FAM114A1: variants seen among roughly 807,000 people sequenced by gnomAD.
FAM114A1 encodes the protein family with sequence similarity 114 member A1, also known as protein NOXP20.
Under a neutral mutation model 64.3 loss-of-function variants are expected in FAM114A1, and 62 were observed. That is an observed-to-expected ratio of 0.96 (90% CI 0.79 to 1.19). The LOEUF (loss-of-function observed/expected upper bound fraction) is 1.19. FAM114A1 is among the 50% of genes most tolerant of loss of function. The pLI is 0.00. For synonymous variants in FAM114A1, 254 were observed against 251.1 expected (o/e 1.01, Z -0.11); for missense variants, 645 against 676.3 (o/e 0.95, Z 0.51).
At chr4:38,913,029 C>T (rs1309039248) in intron 7 of FAM114A1, among the ~76,000 whole-genome samples, 7 of 152,160 alleles carry the variant, frequency 4.6e-5, no homozygotes, top group Admixed American at 3.3e-4. Flanking sequence ...CAGATAACCT[C>T]GAGAACCCAG....
At chr4:38,874,873 G>C (rs1357658126) in intron 2 of FAM114A1, among the ~76,000 whole-genome samples, 1 of 152,204 alleles carries the variant, frequency 6.6e-6, no homozygotes, top group Non-Finnish European at 1.5e-5. Context: ...AAGGGGAACA[G>C]TTTCAATCTT....
intron 3 of FAM114A1, among the ~76,000 whole-genome samples, chr4:38,885,148 T>C (rs1248632632): frequency 6.6e-6 from 1 of 152,084 alleles, no homozygotes; most frequent in Non-Finnish European, 1.5e-5. Flanking sequence ...CTAATTTTTG[T>C]ATTTTAAGTA....
chr4:38,897,097 T>C (rs549691242), intron 4 of FAM114A1, among the ~76,000 whole-genome samples: 8 of 152,194 alleles, frequency 5.3e-5, no homozygotes, highest in African/African-American at 1.9e-4. Context: ...AATTGAAAAA[T>C]GGTAATCTCT....
At chr4:38,911,475 C>A (rs964157217) in intron 7 of FAM114A1, among the ~76,000 whole-genome samples, 1 of 152,248 alleles carries the variant, frequency 6.6e-6, no homozygotes, top group African/African-American at 2.4e-5. Context: ...CTGTCACACC[C>A]TCCACTGGAG....
intron 6 of FAM114A1, among the ~76,000 whole-genome samples, chr4:38,906,586 G>A (rs1042155794): frequency 6.6e-5 from 10 of 152,138 alleles, no homozygotes; most frequent in African/African-American, 1.4e-4. Context: ...CTAGGCTGGC[G>A]TGCAGTGGTG....
intron 4 of FAM114A1, among the ~76,000 whole-genome samples, chr4:38,903,637 A>G (rs1717715766): frequency 6.6e-6 from 1 of 152,176 alleles, no homozygotes; most frequent in Non-Finnish European, 1.5e-5. Flanking sequence ...TCTAACTTAA[A>G]TGTGTTATTG....
intron 9 of FAM114A1, among the ~76,000 whole-genome samples, chr4:38,924,087 T>C (rs2109758650): frequency 6.6e-6 from 1 of 152,326 alleles, no homozygotes; most frequent in South Asian, 2.1e-4. Flanking sequence ...TTCACCATTT[T>C]CTTGCTATAT....
chr4:38,925,696 C>G (rs1560325153), intron 9 of FAM114A1, among the ~76,000 whole-genome samples: 1 of 152,114 alleles, frequency 6.6e-6, no homozygotes, highest in African/African-American at 2.4e-5. Flanking sequence ...GCCATAGATC[C>G]CTTAATGTGA....
At chr4:38,929,911 T>C (rs981839894) in intron 10 of FAM114A1, among the ~76,000 whole-genome samples, 2 of 152,236 alleles carry the variant, frequency 1.3e-5, no homozygotes, top group African/African-American at 4.8e-5. Flanking sequence ...CTTGTAACCT[T>C]GAATAAGTCA....
chr4:38,933,400 CAA>C (rs1720824035), intron 12 of FAM114A1, among the ~76,000 whole-genome samples: 1 of 152,164 alleles, frequency 6.6e-6, no homozygotes, highest in Non-Finnish European at 1.5e-5. Context: ...ACAAAATAGG[CAA>C]ATACACTCCA....
rs1170270167 is a variant in FAM114A1 at position 38,891,813 on chromosome 4, C to T, written c.419C>T (p.Ser140Leu). 1.2e-6 allele frequency: 2 copies of T among 1,612,308 alleles called. No individual in the cohort carries two copies. The highest frequency in any genetic ancestry group is 2.2e-5 in the East Asian group (1 of 44,800). ...WGSWGKSLLS[S>L]ASATVGHGLT... ...TCCTGGGGCAAATCTCTGCTGTCGT[C>T]AGCATCTGCCACAGTAGGTAAGCAT... The change falls in exon 4 of 15, where the codon TCA (serine) becomes TTA (leucine). Residue 140 changes from serine to leucine, a missense_variant. Ser to Leu is a moderately radical substitution (Grantham distance 145). Transcript: ENST00000358869.
rs771458833 is a variant in FAM114A1, at chr4:38,878,191, C to T, written c.113C>T (p.Ala38Val). The T allele has an allele frequency of 1.2e-6, 2 of 1,614,198 alleles. No homozygotes were observed. The highest frequency in any genetic ancestry group is 2.2e-5 in the South Asian group (2 of 91,084). Residue 38 changes from alanine to valine, a missense_variant, in exon 3 of 15, where the codon GCA becomes GTA. By Grantham distance (64) the Ala-to-Val change is moderately conservative (BLOSUM62 0). Transcript: ENST00000358869. ...GCAGAAGTGCATTGTGATTCAGCTG[C>T]AGTTTCACATGAGCCAACACCAGCT... ...EDAEVHCDSA[A>V]VSHEPTPADP...
At chr4:38,924,599 A>C (rs1406074656) in intron 9 of FAM114A1, among the ~76,000 whole-genome samples, 3 of 152,214 alleles carry the variant, frequency 2.0e-5, no homozygotes, top group Non-Finnish European at 4.4e-5. Flanking sequence ...TGCTCATTGC[A>C]TCAAAATAAA....
chr4:38,878,387 A>C lies in FAM114A1; in HGVS notation c.309A>C (p.Glu103Asp), dbSNP rs762809038. 6.2e-7 allele frequency: 1 copy of C among 1,607,604 alleles called. No individual in the cohort carries two copies. The highest frequency in any genetic ancestry group is 8.5e-7 in the Non-Finnish European group (1 of 1,176,404). ...TTGATTCCGTCAGCCTTGAGGCAGA[A>C]CCCAGATCCGAAATACCCCTGCAAG... ...ECIDSVSLEA[E>D]PRSEIPLQEQ... Residue 103 changes from glutamate (E) to aspartate (D), a missense_variant, in exon 3 of 15, where the codon GAA becomes GAC. Coordinates refer to ENST00000358869, the MANE Select transcript of FAM114A1 (RefSeq NM_138389.4).
intron 4 of FAM114A1, among the ~76,000 whole-genome samples, chr4:38,894,523 T>G (rs1016864144): frequency 6.6e-6 from 1 of 152,200 alleles, no homozygotes; most frequent in Admixed American, 6.5e-5. Flanking sequence ...ACTGGTTATA[T>G]TTGAACCAAG....
intron 3 of FAM114A1, among the ~76,000 whole-genome samples, chr4:38,890,945 A>G (rs1716305210): frequency 1.3e-5 from 2 of 152,186 alleles, no homozygotes; most frequent in South Asian, 4.1e-4. Context: ...CAGGAATCCA[A>G]ACAGCAGCTC....
At chr4:38,905,677 C>T (rs755103652) in intron 5 of FAM114A1, 42 bp downstream of exon 5, 2 of 1,607,286 alleles carry the variant, frequency 1.2e-6, no homozygotes, top group Admixed American at 1.7e-5. Context: ...GACTTTATTA[C>T]ACCATGTGCA....
chr4:38,932,595 C>T (rs775377506), intron 12 of FAM114A1, among the ~76,000 whole-genome samples: 12 of 152,154 alleles, frequency 7.9e-5, no homozygotes, highest in Non-Finnish European at 1.8e-4. Flanking sequence ...CTCCTGGGCT[C>T]ACGTGACCCT....
At chr4:38,931,306 G>A (rs1191644367) in intron 10 of FAM114A1, 145 bp from the exon 11 acceptor site, 7 of 855,040 alleles carry the variant, frequency 8.2e-6, no homozygotes, top group African/African-American at 1.7e-5. Flanking sequence ...TTTTTCGGGG[G>A]TTGAAAAATT....
Sources: gnomAD v4.1 joint callset for allele counts (sites outside exome capture counted in the v4.1 genomes callset) on GRCh38, gnomAD v4.1.1 for gene constraint, MANE v1.5 for transcripts, NCBI Gene and HGNC (gene_info 2026-07-23, HGNC 2026-07-21) for gene names.